Variants in FREM3 observed in about 807,000 individuals in gnomAD.
FREM3 encodes the protein FRAS1-related extracellular matrix protein 3.
FREM3 carries 105 observed loss-of-function variants against 129.1 expected under a neutral mutation model. The observed-to-expected ratio is 0.81, with a 90% CI of 0.69 to 0.96. The LOEUF (loss-of-function observed/expected upper bound fraction) is 0.96. Among genes scored for constraint, FREM3 ranks in the 40% least tolerant of loss-of-function variants. The pLI, the probability that FREM3 is intolerant of heterozygous loss-of-function variation, is 0.00. For synonymous variants in FREM3, 1,014 were observed against 1,044.9 expected, an observed-to-expected ratio of 0.97 and a Z score of 0.57; for missense variants, 2,593 against 2,666.3, an observed-to-expected ratio of 0.97 and a Z score of 0.61.
chr4:143,676,499 T>A (rs111783156), intron 2 of FREM3, among the ~76,000 whole-genome samples: 11,014 of 152,122 alleles, frequency 0.072, 1,061 homozygotes, highest in African/African-American at 0.21. Context: ...GGATGCCCTC[T>A]CTCACCACTC....
intron 2 of FREM3, among the ~76,000 whole-genome samples, chr4:143,684,531 C>G (rs2149860228): frequency 6.6e-6 from 1 of 152,340 alleles, no homozygotes. Context: ...GACCTTCCCT[C>G]TGACAGAGGC....
chr4:143,645,340 T>G (rs546213671), intron 2 of FREM3, among the ~76,000 whole-genome samples: 1 of 152,328 alleles, frequency 6.6e-6, no homozygotes, highest in Admixed American at 6.5e-5. Context: ...TGACAACTTT[T>G]TGATGGAATA....
chr4:143,589,594 G>A (rs367619779), intron 6 of FREM3, among the ~76,000 whole-genome samples: 40 of 152,166 alleles, frequency 2.6e-4, no homozygotes, highest in Middle Eastern at 3.4e-3. Flanking sequence ...TGTTCCATTG[G>A]TCTATATCTC....
rs1353877712 is a variant in FREM3 at position 143,696,528 on chromosome 4, C to T, written c.4148G>A (p.Gly1383Asp). The T allele has an allele frequency of 6.5e-7, 1 of 1,537,270 alleles. No individual in the cohort carries two copies. The highest frequency in any genetic ancestry group is 2.0e-5 in the Admixed American group (1 of 50,988). ...GCCTGTGTGGATATAGCAGATGAGG[C>T]CTCTGTTAATCTCATCCTGGGTAAA... ...MNFTQDEINR[G>D]LICYIHTGQE... Residue 1383 changes from glycine to aspartate, a missense_variant, in exon 1 of 8, where the codon GGC (glycine) becomes GAC (aspartate). By Grantham distance (94) the Gly-to-Asp change is moderately conservative. Around this residue, in one of 2 missense-constraint regions of FREM3, gnomAD observed 2,276 missense variants for 2,267.2 expected, o/e 1.00. Coordinates refer to ENST00000329798, the MANE Select transcript of FREM3 (RefSeq NM_001168235.2).
At chr4:143,634,911 A>C (rs1578844244) in intron 2 of FREM3, among the ~76,000 whole-genome samples, 1 of 152,074 alleles carries the variant, frequency 6.6e-6, no homozygotes, top group East Asian at 1.9e-4. Flanking sequence ...CCTAGACCTT[A>C]GCTATGCCCC....
intron 2 of FREM3, among the ~76,000 whole-genome samples, chr4:143,655,600 T>A (rs1739586479): frequency 6.6e-6 from 1 of 152,230 alleles, no homozygotes; most frequent in South Asian, 2.1e-4. Context: ...GCAGCATCTT[T>A]TAATGCAGCA....
chr4:143,695,991 A>C lies in FREM3; in HGVS notation c.4685T>G (p.Val1562Gly). 1 of 1,537,908 alleles carries C rather than the reference A, an allele frequency of 6.5e-7. No individual in the cohort carries two copies. Among genetic ancestry groups the C allele is most frequent in the Non-Finnish European group, 8.7e-7 (1 of 1,147,058 alleles). Reference sequence around the variant, plus strand: ...GTCATCTGGGGTATCACTGTCTTCCACTGTCAACTCAAGGAGAGTGATCAG... The same window carrying C: ...GTCATCTGGGGTATCACTGTCTTCCCCTGTCAACTCAAGGAGAGTGATCAG... Reference protein sequence around the residue: ...SQLITLLELTVEDSDTPDDLI... With the variant: ...SQLITLLELTGEDSDTPDDLI... The change falls in exon 1 of 8, where the codon GTG (valine) becomes GGG (glycine). Residue 1562 changes from valine (V) to glycine (G), a missense_variant. By Grantham distance (109) the Val-to-Gly change is moderately radical (BLOSUM62 -3). Around this residue, in one of 2 missense-constraint regions of FREM3, gnomAD observed 2,276 missense variants for 2,267.2 expected, o/e 1.00. Transcript: ENST00000329798.
At chr4:143,676,923 G>C (rs913485214) in intron 2 of FREM3, among the ~76,000 whole-genome samples, 4 of 152,240 alleles carry the variant, frequency 2.6e-5, no homozygotes, top group Admixed American at 6.5e-5. Flanking sequence ...ACATTCCATG[G>C]TCATGAATAG....
At chr4:143,618,627 C>T (rs1181424541) in intron 5 of FREM3, among the ~76,000 whole-genome samples, 2 of 152,140 alleles carry the variant, frequency 1.3e-5, no homozygotes, top group Non-Finnish European at 2.9e-5. Flanking sequence ...AGTATGGTGG[C>T]ACACACCTGT....
At chr4:143,690,667 TC>T (rs1185287613) in intron 2 of FREM3, among the ~76,000 whole-genome samples, 1 of 152,140 alleles carries the variant, frequency 6.6e-6, no homozygotes, top group Non-Finnish European at 1.5e-5. Flanking sequence ...ATTTGGGAAA[TC>T]TTTTTAAGGT....
intron 2 of FREM3, chr4:143,645,243 ACTCT>A (rs977074910): frequency 6.6e-6 from 1 of 151,716 alleles, no homozygotes; most frequent in African/African-American, 2.4e-5. Context: ...GCTCTTGCAA[ACTCT>A]CTACTTAAAC....
intron 2 of FREM3, among the ~76,000 whole-genome samples, chr4:143,688,129 G>A (rs917319819): frequency 1.3e-5 from 2 of 152,124 alleles, no homozygotes; most frequent in Non-Finnish European, 2.9e-5. Context: ...GACTCCTCCA[G>A]AAAGTGCCTA....
At chr4:143,642,300 C>T (rs4835178) in intron 2 of FREM3, among the ~76,000 whole-genome samples, 6,490 of 151,974 alleles carry the variant, frequency 0.043, 384 homozygotes, top group African/African-American at 0.13. Context: ...GAAGAGATAA[C>T]AATAATAGAA....
chr4:143,688,166 T>G lies in FREM3; in HGVS notation c.5275+4947A>C, dbSNP rs115503143. Among the ~76,000 whole-genome samples, 612 of 152,200 alleles carry G rather than the reference T, an allele frequency of 4.0e-3. 4 individuals are homozygous for G. The highest frequency in any genetic ancestry group is 4.1e-3 in the Non-Finnish European group (278 of 68,004). ...AACTGATAAAAGAATTCAATAGAGT[T>G]TACGGATACAAGAGTAAAGTACACA... On this transcript the variant is annotated intron_variant, in intron 2 of 7. Coordinates refer to ENST00000329798, the MANE Select transcript of FREM3 (RefSeq NM_001168235.2).
At chr4:143,678,020 C>T (rs1317626315) in intron 2 of FREM3, among the ~76,000 whole-genome samples, 2 of 152,176 alleles carry the variant, frequency 1.3e-5, no homozygotes, top group Non-Finnish European at 2.9e-5. Flanking sequence ...TCCCATATGA[C>T]CCAGCCATCC....
intron 1 of FREM3, among the ~76,000 whole-genome samples, chr4:143,693,419 ACT>A (rs1186618768): frequency 6.6e-6 from 1 of 152,234 alleles, no homozygotes; most frequent in Non-Finnish European, 1.5e-5. Flanking sequence ...CCCCAGTCAG[ACT>A]GGTGATTATT....
chr4:143,699,122 G>A lies in FREM3; in HGVS notation c.1554C>T (p.Ile518=). 6.5e-7 allele frequency: 1 copy of A among 1,537,452 alleles called. No homozygotes were observed. Among genetic ancestry groups the A allele is most frequent in the Non-Finnish European group, 8.7e-7 (1 of 1,146,960 alleles). ...DGSNTYSDNI[I]FRMEDGHHQV... Reference sequence around the variant, plus strand: ...GGTGGTGCCCGTCCTCCATCCGGAAGATGATATTGTCACTGTAGGTGTTGC... The same window carrying A: ...GGTGGTGCCCGTCCTCCATCCGGAAAATGATATTGTCACTGTAGGTGTTGC... The change falls in exon 1 of 8, where the codon ATC becomes ATT. Residue 518 remains isoleucine (I), a synonymous_variant. Coordinates refer to ENST00000329798, the MANE Select transcript of FREM3 (RefSeq NM_001168235.2). This position sits in a 1 kb window ranked among gnomAD's most constrained non-coding sequence, Gnocchi z 4.2.
chr4:143,643,729 T>A (rs1304285694), intron 2 of FREM3, among the ~76,000 whole-genome samples: 5 of 151,820 alleles, frequency 3.3e-5, no homozygotes, highest in Admixed American at 6.6e-5. Flanking sequence ...GTGGGAGAAA[T>A]AAGTTCTGGT....
chr4:143,618,442 G>A (rs934176539), intron 5 of FREM3, among the ~76,000 whole-genome samples: 8 of 151,766 alleles, frequency 5.3e-5, no homozygotes, highest in Non-Finnish European at 1.2e-4. Context: ...CAACAGGGTC[G>A]GGGCCCTTCC....
Sources: allele counts gnomAD v4.1 joint callset (sites outside exome capture counted in the v4.1 genomes callset), GRCh38; gene constraint gnomAD v4.1.1; regional missense constraint gnomAD v4.1.1; non-coding constraint Gnocchi (gnomAD v3.1); transcripts MANE v1.5; gene names NCBI Gene and HGNC (gene_info 2026-07-23, HGNC 2026-07-21).